SYT16: variants seen among roughly 807,000 people sequenced by gnomAD.
SYT16 encodes the protein synaptotagmin-16.
SYT16 carries 42 observed loss-of-function variants against 61.4 expected under a neutral mutation model. That is an observed-to-expected ratio of 0.68 (90% CI 0.53 to 0.89). SYT16 has a LOEUF of 0.89. SYT16 is among the 40% of genes least tolerant of loss of function. The probability of loss-of-function intolerance (pLI) is 0.00; values close to 1 mark genes in which losing one functional copy is unlikely to be tolerated. For missense variants in SYT16, 804 were observed against 807.3 expected (o/e 1.00, Z 0.05); for synonymous variants, 314 against 302.3 (o/e 1.04, Z -0.40).
chr14:61,881,403 G>A (rs546123478), intron 1 of SYT16, among the ~76,000 whole-genome samples: 19 of 152,240 alleles, frequency 1.2e-4, no homozygotes, highest in Admixed American at 9.2e-4. Flanking sequence ...TCTGGCTTCC[G>A]TTTTGGTATT....
At chr14:61,816,838 C>T (rs916608641) in intron 1 of SYT16, among the ~76,000 whole-genome samples, 1 of 151,160 alleles carries the variant, frequency 6.6e-6, no homozygotes, top group African/African-American at 2.4e-5. Context: ...GGTGAAACCC[C>T]GTCTCCACTA....
intron 1 of SYT16, among the ~76,000 whole-genome samples, chr14:61,845,927 C>T (rs910053569): frequency 3.9e-5 from 6 of 152,154 alleles, no homozygotes; most frequent in Admixed American, 2.0e-4. Flanking sequence ...TTAATTTCTC[C>T]GTAGACCCAT....
chr14:61,872,063 ATAG>A (rs1323706490), intron 1 of SYT16, among the ~76,000 whole-genome samples: 1 of 152,212 alleles, frequency 6.6e-6, no homozygotes, highest in Non-Finnish European at 1.5e-5. Flanking sequence ...TATTCAATAA[ATAG>A]TAGTTATCAA....
In SYT16 at chr14:61,814,665, GT is replaced by G. The variant is rs149136622; in HGVS notation, c.-325+1861del. 8.4e-3 allele frequency among the ~76,000 whole-genome samples: 1,275 copies of G among 152,294 alleles called. 16 individuals carry two copies. Among genetic ancestry groups the G allele is most frequent in the African/African-American group, 0.029 (1,203 of 41,572 alleles). ...ATCTGACCATCTCAGCTCTTGACCA[GT>G]TTTTTAGGCTCAATCTTATGTTCTT... On this transcript the variant is annotated intron_variant, in intron 1 of 7. Transcript: ENST00000683842.
At chr14:62,052,197 G>A (rs1423113345) in intron 3 of SYT16, among the ~76,000 whole-genome samples, 1 of 151,912 alleles carries the variant, frequency 6.6e-6, no homozygotes, top group African/African-American at 2.4e-5. Flanking sequence ...TCTAATATGT[G>A]CATTAGATTA....
chr14:62,050,145 A>G (rs921429143), intron 3 of SYT16, among the ~76,000 whole-genome samples: 4 of 152,060 alleles, frequency 2.6e-5, no homozygotes, highest in East Asian at 1.9e-4. Context: ...ACATAGTCCC[A>G]TATTTCTTGG....
chr14:61,970,747 T>C (rs2140526635), intron 2 of SYT16, among the ~76,000 whole-genome samples: 2 of 152,260 alleles, frequency 1.3e-5, no homozygotes, highest in East Asian at 3.9e-4. Flanking sequence ...TGCCTTCAAT[T>C]TGATGAGGGA....
chr14:61,891,390 T>C (rs2048126236), intron 1 of SYT16, among the ~76,000 whole-genome samples: 2 of 152,178 alleles, frequency 1.3e-5, no homozygotes, highest in South Asian at 4.1e-4. Flanking sequence ...CTGTTGCTAT[T>C]GAGAATGTGA....
intron 3 of SYT16, among the ~76,000 whole-genome samples, chr14:62,006,294 A>G (rs1262531564): frequency 6.6e-6 from 1 of 152,118 alleles, no homozygotes; most frequent in East Asian, 1.9e-4. Flanking sequence ...GCCATAGTAC[A>G]TGGGCTGCTT....
chr14:62,058,138 C>T (rs2055649541), intron 3 of SYT16, among the ~76,000 whole-genome samples: 1 of 151,988 alleles, frequency 6.6e-6, no homozygotes, highest in Non-Finnish European at 1.5e-5. Flanking sequence ...AGTAATATTT[C>T]ATTGTATTTA....
At chr14:62,056,201 C>T (rs1329737733) in intron 3 of SYT16, among the ~76,000 whole-genome samples, 2 of 152,086 alleles carry the variant, frequency 1.3e-5, no homozygotes, top group Admixed American at 1.3e-4. Flanking sequence ...ACAGGAAACA[C>T]AAAGCTACAG....
intron 3 of SYT16, among the ~76,000 whole-genome samples, chr14:62,050,071 C>T (rs1277205512): frequency 6.6e-6 from 1 of 152,172 alleles, no homozygotes; most frequent in African/African-American, 2.4e-5. Flanking sequence ...GAGTGTTTTC[C>T]AACTTGCCTC....
Position 62,109,399 on chromosome 14 carries a change from C to T in SYT16, c.*8692C>T, listed in dbSNP as rs2057567012. On this transcript the variant is annotated 3_prime_UTR_variant, in exon 8 of 8. Transcript: ENST00000683842. ...ATATTTCATTGTCTGGTTGTATCACCATTTATGACCTATTTGCTCTTATTT... is the reference window on the plus strand; with the variant it reads ...ATATTTCATTGTCTGGTTGTATCACTATTTATGACCTATTTGCTCTTATTT... 6.6e-6 allele frequency: 1 copy of T among 151,446 alleles called. No individual in the cohort carries two copies. The highest frequency in any genetic ancestry group is 6.6e-5 in the Admixed American group (1 of 15,200). 9.4% of individuals were successfully genotyped at this position (151,446 alleles called of 1,614,324 possible). A position where few individuals can be genotyped will look rare whatever the true frequency, so the allele number is the denominator to read the frequency against.
intron 1 of SYT16, among the ~76,000 whole-genome samples, chr14:61,941,433 T>C (rs2050205827): frequency 6.6e-6 from 1 of 152,236 alleles, no homozygotes; most frequent in Non-Finnish European, 1.5e-5. Context: ...CAGTTGTTTT[T>C]TTCTAAATCT....
At chr14:61,994,070 A>T (rs982400435) in intron 2 of SYT16, among the ~76,000 whole-genome samples, 1 of 152,176 alleles carries the variant, frequency 6.6e-6, no homozygotes, top group Non-Finnish European at 1.5e-5. Flanking sequence ...GGTATGTAGT[A>T]TGTGAGGGAA....
chr14:62,099,449 C>G (rs1258238152), intron 7 of SYT16, among the ~76,000 whole-genome samples: 3 of 152,082 alleles, frequency 2.0e-5, no homozygotes, highest in Non-Finnish European at 4.4e-5. Context: ...TGATTTCTGA[C>G]TTGGATAATT....
chr14:62,079,266 G>A lies in SYT16; in HGVS notation c.994-1568G>A, dbSNP rs574087749. The stretch of plus-strand genomic sequence containing the variant: ...AGTACCTCTGAATAGAAACACTCAC[G>A]CATGATTGCATGCTCACAGGAAAGG... On this transcript the variant is annotated intron_variant, in intron 5 of 7. Coordinates refer to ENST00000683842, the MANE Select transcript of SYT16 (RefSeq NM_001367656.1). The A allele has an allele frequency of 2.9e-5, 21 of 729,984 alleles. No individual in the cohort carries two copies. In the East Asian group the frequency reaches 5.0e-4, roughly 18 times the overall value. The allele number at this position is 729,984 out of a possible 1,614,324, so 45.2% of individuals were successfully genotyped here.
At chr14:61,840,145 A>G (rs1365858935) in intron 1 of SYT16, among the ~76,000 whole-genome samples, 1 of 152,202 alleles carries the variant, frequency 6.6e-6, no homozygotes, top group East Asian at 1.9e-4. Context: ...TCAAGTTTAG[A>G]CAACTGGTGG....
intron 3 of SYT16, among the ~76,000 whole-genome samples, chr14:62,027,116 C>G (rs890196035): frequency 6.6e-6 from 1 of 152,100 alleles, no homozygotes; most frequent in Non-Finnish European, 1.5e-5. Context: ...TTAAATTTAT[C>G]TTTTTCTGAA....
Sources: gnomAD v4.1 joint callset for allele counts (sites outside exome capture counted in the v4.1 genomes callset) on GRCh38, gnomAD v4.1.1 for gene constraint, MANE v1.5 for transcripts, NCBI Gene and HGNC (gene_info 2026-07-23, HGNC 2026-07-21) for gene names.